WFS1: variants seen among roughly 807,000 people sequenced by gnomAD.
The protein encoded by WFS1 is wolframin.
A neutral mutation model predicts 68.5 loss-of-function variants in WFS1; 90 were observed. That is an observed-to-expected ratio of 1.31 (90% CI 1.11 to 1.56). The LOEUF (loss-of-function observed/expected upper bound fraction) is 1.56. Among genes scored for constraint, WFS1 ranks in the 40% most tolerant of loss-of-function variants. WFS1 has a pLI of 0.00. For missense variants in WFS1, 1,767 were observed against 1,232.6 expected (o/e 1.43, Z -6.49); for synonymous variants, 860 against 540.7 (o/e 1.59, Z -8.19).
At chr4:6,270,831 T>A (rs1422145830) in intron 1 of WFS1, among the ~76,000 whole-genome samples, 9 of 152,168 alleles carry the variant, frequency 5.9e-5, no homozygotes, top group Non-Finnish European at 8.8e-5. Context: ...CTCAGTAGCC[T>A]TAGGCGGAGA....
At chr4:6,296,888 G>A (rs972814355) in intron 7 of WFS1, among the ~76,000 whole-genome samples, 9 of 152,192 alleles carry the variant, frequency 5.9e-5, no homozygotes, top group Non-Finnish European at 7.3e-5. Flanking sequence ...GCAGTGGCAC[G>A]GTCACAGCTC....
At chr4:6,281,887 C>T (rs942568890) in intron 2 of WFS1, among the ~76,000 whole-genome samples, 1 of 152,250 alleles carries the variant, frequency 6.6e-6, no homozygotes, top group South Asian at 2.1e-4. Context: ...TCTGGTGGCA[C>T]TCAGTCTTCT....
At chr4:6,278,672 C>G (rs1457436623) in intron 2 of WFS1, among the ~76,000 whole-genome samples, 1 of 152,258 alleles carries the variant, frequency 6.6e-6, no homozygotes, top group Non-Finnish European at 1.5e-5. Flanking sequence ...TGGGGCCTCC[C>G]TGCTGTGGTC....
Position 6,269,930 on chromosome 4 carries a change from G to C in WFS1, c.-90G>C, listed in dbSNP as rs1233021249. On this transcript the variant is annotated 5_prime_UTR_variant, in exon 1 of 8. Transcript: ENST00000226760. Reference sequence around the variant, plus strand: ...CGGCCGCAGATCTCCCGTTTGCGCCGCGTTCAGCTGCTCCCGAACAACTTT... The same window carrying C: ...CGGCCGCAGATCTCCCGTTTGCGCCCCGTTCAGCTGCTCCCGAACAACTTT... 1 of 152,156 alleles carries C rather than the reference G, an allele frequency of 6.6e-6. No homozygotes were observed. The highest frequency in any genetic ancestry group is 1.5e-5 in the Non-Finnish European group (1 of 68,022). The allele number at this position is 152,156 out of a possible 1,614,324, so 9.4% of individuals were successfully genotyped here. A position where few individuals can be genotyped will look rare whatever the true frequency, so the allele number is the denominator to read the frequency against.
At position 6,302,268 on chromosome 4, in the gene WFS1, T is replaced by G; in HGVS notation, c.2473T>G (p.Phe825Val). Residue 825 changes from phenylalanine (F) to valine (V), a missense_variant, in exon 8 of 8, where the codon TTC becomes GTC. Physicochemically the swap from Phe to Val is conservative, Grantham distance 50. Transcript: ENST00000226760. ...CCTGCGCCAGGGCAGCCTCATCGAG[T>G]TCAGCACCATCCTGGAGGGCCGCCT... ...LSLRQGSLIE[F>V]STILEGRLGS... 2 of 1,605,732 alleles carry G rather than the reference T, an allele frequency of 1.2e-6. No homozygotes were observed. Among genetic ancestry groups the G allele is most frequent in the Non-Finnish European group, 1.7e-6 (2 of 1,174,704 alleles).
intron 7 of WFS1, among the ~76,000 whole-genome samples, chr4:6,298,819 C>T (rs567438674): frequency 2.0e-5 from 3 of 152,366 alleles, no homozygotes; most frequent in Non-Finnish European, 4.4e-5. Context: ...AGTTGCCATT[C>T]ACCTGGGATC....
chr4:6,299,752 TGTAGGGGTGGGTTGCGTGTGTGTGA>T (rs1730794134), intron 7 of WFS1, among the ~76,000 whole-genome samples: 1 of 135,674 alleles, frequency 7.4e-6, no homozygotes, highest in Non-Finnish European at 1.6e-5. Context: ...CGTGTGTGTG[TGTAGGGGTGGGTTGCGTGTGTGTGA>T]ATGTGTGTGT....
chr4:6,292,369 G>T (rs1159778219), intron 6 of WFS1, among the ~76,000 whole-genome samples: 1 of 152,122 alleles, frequency 6.6e-6, no homozygotes, highest in Non-Finnish European at 1.5e-5. Flanking sequence ...ATTAGGGGAA[G>T]GGGCTCCGGG....
chr4:6,287,049 A>G lies in WFS1; in HGVS notation c.233-44A>G. The G allele has an allele frequency of 6.5e-7, 1 of 1,529,706 alleles. No homozygotes were observed. The highest frequency in any genetic ancestry group is 8.9e-7 in the Non-Finnish European group (1 of 1,126,760). 94.8% of individuals were successfully genotyped at this position (1,529,706 alleles called of 1,614,324 possible). On this transcript the variant is annotated intron_variant, in intron 2 of 7. Transcript: ENST00000226760. The surrounding 1 kb of genome is among the most constrained non-coding windows in gnomAD (Gnocchi z 6.4). The stretch of plus-strand genomic sequence containing the variant: ...TCCCCTCCATCCTGACAAGTGACAA[A>G]GTCTGGCTTTGTGACATGTGTGTTT...
intron 3 of WFS1, 53 bp from the exon 4 acceptor site, chr4:6,288,934 T>G: frequency 6.3e-7 from 1 of 1,589,782 alleles, no homozygotes; most frequent in Non-Finnish European, 8.6e-7. Context: ...GCAGGGAGCA[T>G]GGGGTGGGAG....
At chr4:6,293,771 G>C (rs1380324309) in intron 6 of WFS1, among the ~76,000 whole-genome samples, 1 of 152,198 alleles carries the variant, frequency 6.6e-6, no homozygotes, top group Non-Finnish European at 1.5e-5. Context: ...GGGTCTTCCC[G>C]TAGGGACTGT....
In WFS1 at chr4:6,291,330, G is replaced by C. The variant is rs563931269; in HGVS notation, c.594G>C (p.Ala198=). The change falls in exon 5 of 8, where the codon GCG becomes GCC. Residue 198 remains alanine (A), a synonymous_variant. Coordinates refer to ENST00000226760, the MANE Select transcript of WFS1 (RefSeq NM_006005.3). ...NPKKKKQVAV[A]ELLENVGQVN... Reference sequence around the variant, plus strand: ...AGAAGAAGAAGCAGGTGGCCGTGGCGGAGCTGCTGGAGAATGTCGGCCAGG... The same window carrying C: ...AGAAGAAGAAGCAGGTGGCCGTGGCCGAGCTGCTGGAGAATGTCGGCCAGG... The C allele has an allele frequency of 6.2e-7, 1 of 1,613,168 alleles. No homozygotes were observed. Among genetic ancestry groups the C allele is most frequent in the Non-Finnish European group, 8.5e-7 (1 of 1,180,024 alleles).
At chr4:6,300,338 G>A (rs528254990) in intron 7 of WFS1, among the ~76,000 whole-genome samples, 1 of 152,276 alleles carries the variant, frequency 6.6e-6, no homozygotes, top group South Asian at 2.1e-4. Flanking sequence ...TGGGGAGCCC[G>A]TGGGTCCCTC....
rs3200 is a variant in WFS1 at position 6,303,151 on chromosome 4, C to T, written c.*683C>T. On this transcript the variant is annotated 3_prime_UTR_variant, in exon 8 of 8. Coordinates refer to ENST00000226760, the MANE Select transcript of WFS1 (RefSeq NM_006005.3). ...TGGGAAACAGAGAACCCTGTGGGGG[C>T]GGCTGTGGGGGAGGTCCCTGCCAGT... 0.58 allele frequency: 89,123 copies of T among 152,852 alleles called. 26,820 individuals are homozygous for T. The highest frequency in any genetic ancestry group is 0.93 in the East Asian group (4,835 of 5,178). The allele number at this position is 152,852 out of a possible 1,614,324, so 9.5% of individuals were successfully genotyped here.
intron 7 of WFS1, among the ~76,000 whole-genome samples, chr4:6,296,656 C>G (rs901283518): frequency 6.6e-6 from 1 of 152,202 alleles, no homozygotes. Flanking sequence ...AACGGGTTAA[C>G]TTGGAGAAGA....
chr4:6,271,438 C>T lies in WFS1; in HGVS notation c.-6+1424C>T, dbSNP rs115321663. Among the ~76,000 whole-genome samples, 416 of 152,304 alleles carry T rather than the reference C, an allele frequency of 2.7e-3. 3 individuals carry two copies. The highest frequency in any genetic ancestry group is 9.5e-3 in the African/African-American group (395 of 41,568). On this transcript the variant is annotated intron_variant, in intron 1 of 7. Coordinates refer to ENST00000226760, the MANE Select transcript of WFS1 (RefSeq NM_006005.3). Reference sequence around the variant, plus strand: ...CTTCTGGGGCTGGTCACAGAGGGGACCTCAGCTCAGTCTCAACCCCCAGAG... The same window carrying T: ...CTTCTGGGGCTGGTCACAGAGGGGATCTCAGCTCAGTCTCAACCCCCAGAG...
Position 6,300,156 on chromosome 4 carries a change from C to T in WFS1, c.862-501C>T, listed in dbSNP as rs148524259. Among the ~76,000 whole-genome samples, 1,173 of 152,256 alleles carry T rather than the reference C, an allele frequency of 7.7e-3. 22 individuals carry two copies. Among genetic ancestry groups the T allele is most frequent in the African/African-American group, 0.026 (1,083 of 41,526 alleles). On this transcript the variant is annotated intron_variant, in intron 7 of 7. Transcript: ENST00000226760. ...CCTAATGCTTGCTCTGCCACCCCTC[C>T]GGGGACTGCCTGCGGCTTCTCCTCC... is the stretch of plus-strand genomic sequence containing the variant.
chr4:6,277,813 A>T (rs1270468647), intron 2 of WFS1, 126 bp downstream of exon 2: 1 of 1,140,850 alleles, frequency 8.8e-7, no homozygotes. Flanking sequence ...TGCAGCTCCC[A>T]TGCTGTGCAC....
chr4:6,290,622 C>G (rs1170524331), intron 4 of WFS1, among the ~76,000 whole-genome samples: 1 of 152,234 alleles, frequency 6.6e-6, no homozygotes, highest in African/African-American at 2.4e-5. Flanking sequence ...TCCTCCTGCC[C>G]TCTGCTTGGT....
Sources: gnomAD v4.1 joint callset for allele counts (sites outside exome capture counted in the v4.1 genomes callset) on GRCh38, gnomAD v4.1.1 for gene constraint, Gnocchi (gnomAD v3.1) non-coding constraint, MANE v1.5 for transcripts, NCBI Gene and HGNC (gene_info 2026-07-23, HGNC 2026-07-21) for gene names.